Variants in DOK6 observed in about 807,000 individuals in gnomAD.
DOK6 encodes downstream of tyrosine kinase 6.
A neutral mutation model predicts 44.0 loss-of-function variants in DOK6; 22 were observed. The observed-to-expected ratio is 0.50, with a 90% CI of 0.36 to 0.71. DOK6 has a LOEUF of 0.71. DOK6 is among the 30% of genes least tolerant of loss of function. The probability of loss-of-function intolerance (pLI) is 0.00; values close to 1 mark genes in which losing one functional copy is unlikely to be tolerated. For synonymous variants in DOK6, 166 were observed against 145.5 expected (o/e 1.14, Z -1.01); for missense variants, 340 against 416.4 (o/e 0.82, Z 1.60).
At chr18:69,456,514 T>C (rs1334298538) in intron 1 of DOK6, among the ~76,000 whole-genome samples, 4 of 152,184 alleles carry the variant, frequency 2.6e-5, no homozygotes, top group African/African-American at 9.7e-5. Context: ...TATTCCATGG[T>C]GTATATGTAT....
chr18:69,816,122 G>A (rs1265200721), intron 7 of DOK6, among the ~76,000 whole-genome samples: 1 of 152,110 alleles, frequency 6.6e-6, no homozygotes, highest in Non-Finnish European at 1.5e-5. Flanking sequence ...TCTATGTAGT[G>A]ATATTTTCAA....
At chr18:69,675,553 A>G (rs1985901726) in intron 3 of DOK6, among the ~76,000 whole-genome samples, 2 of 152,232 alleles carry the variant, frequency 1.3e-5, no homozygotes, top group African/African-American at 2.4e-5. Context: ...AAAGAAAAAC[A>G]TACCTAATGT....
intron 3 of DOK6, among the ~76,000 whole-genome samples, chr18:69,604,464 A>G (rs1983948828): frequency 6.6e-6 from 1 of 152,218 alleles, no homozygotes; most frequent in African/African-American, 2.4e-5. Flanking sequence ...TACAAATGTT[A>G]ATATAGAAGA....
At chr18:69,634,628 T>C (rs990728843) in intron 3 of DOK6, among the ~76,000 whole-genome samples, 1 of 152,190 alleles carries the variant, frequency 6.6e-6, no homozygotes, top group Admixed American at 6.5e-5. Context: ...TATTTATTTA[T>C]TCAATAACTA....
Position 69,840,342 on chromosome 18 carries a change from C to T in DOK6, c.857-902C>T, listed in dbSNP as rs571120214. Reference sequence around the variant, plus strand: ...ATTTTTCTTCTCCCTCTAAGCTCATCCATTAGATACAAGTCATTCTCAAGT... The same window carrying T: ...ATTTTTCTTCTCCCTCTAAGCTCATTCATTAGATACAAGTCATTCTCAAGT... On this transcript the variant is annotated intron_variant, in intron 7 of 7. Coordinates refer to ENST00000382713, the MANE Select transcript of DOK6 (RefSeq NM_152721.6). Among the ~76,000 whole-genome samples, 6 of 152,264 alleles carry T rather than the reference C, an allele frequency of 3.9e-5. No individual in the cohort carries two copies. In the East Asian group the frequency reaches 1.2e-3, roughly 29 times the overall value.
chr18:69,677,370 G>GTATATA (rs10659444), intron 3 of DOK6, among the ~76,000 whole-genome samples: 1 of 149,186 alleles, frequency 6.7e-6, no homozygotes, highest in Non-Finnish European at 1.5e-5. Flanking sequence ...ATATGTGTGT[G>GTATATA]TATATATATA....
intron 1 of DOK6, among the ~76,000 whole-genome samples, chr18:69,440,323 C>G (rs1979100345): frequency 6.6e-6 from 1 of 151,980 alleles, no homozygotes; most frequent in South Asian, 2.1e-4. Context: ...CTGAGAATTA[C>G]CAAAATGTGA....
At chr18:69,532,557 A>G (rs1344145317) in intron 1 of DOK6, among the ~76,000 whole-genome samples, 3 of 152,174 alleles carry the variant, frequency 2.0e-5, no homozygotes, top group Admixed American at 6.5e-5. Context: ...TTCACTGCCA[A>G]TAGCATTAAG....
chr18:69,691,184 A>AAAATAAATAAAT (rs149335802), intron 4 of DOK6, among the ~76,000 whole-genome samples: 390 of 140,444 alleles, frequency 2.8e-3, no homozygotes, highest in African/African-American at 6.7e-3. Flanking sequence ...ACTCTGTCTC[A>AAAATAAATAAAT]AAATAAATAA....
intron 3 of DOK6, among the ~76,000 whole-genome samples, chr18:69,627,326 G>A (rs78749815): frequency 0.013 from 1,993 of 152,328 alleles, 18 homozygotes; most frequent in South Asian, 0.038. Flanking sequence ...TTTGCAGATG[G>A]ATTTAACCCA....
intron 3 of DOK6, among the ~76,000 whole-genome samples, chr18:69,655,357 A>T (rs1985333085): frequency 6.6e-6 from 1 of 152,236 alleles, no homozygotes. Context: ...TAGAACTTTA[A>T]GATATTTTAA....
rs745636267 is a variant in DOK6, at chr18:69,698,405, G to C, written c.411G>C (p.Glu137Asp). 3.1e-6 allele frequency: 5 copies of C among 1,609,450 alleles called. No homozygotes were observed. The highest frequency in any genetic ancestry group is 4.2e-6 in the Non-Finnish European group (5 of 1,177,614). ...LAAGVQREQN[E>D]RFNVYLMPTP... ...TCTCCATTCTTCGTCTCTTCACAGA[G>C]AGATTCAACGTGTATCTTATGCCTA... Residue 137 changes from glutamate to aspartate, a missense_variant and splice_region_variant, in exon 5 of 8, where the codon GAG becomes GAC. Physicochemically the swap from Glu to Asp is conservative, Grantham distance 45. Around this residue, in one of 3 missense-constraint regions of DOK6, gnomAD observed 206 missense variants for 258.6 expected, o/e 0.80. Transcript: ENST00000382713.
intron 5 of DOK6, among the ~76,000 whole-genome samples, chr18:69,699,967 C>T (rs939230895): frequency 2.0e-5 from 3 of 152,136 alleles, no homozygotes; most frequent in Admixed American, 6.5e-5. Context: ...GAGAAAGACA[C>T]ATCTCACATG....
At position 69,817,384 on chromosome 18, in the gene DOK6, G is replaced by A. The variant is rs569014398; in HGVS notation, c.857-23860G>A. Among the ~76,000 whole-genome samples, 164 of 152,254 alleles carry A rather than the reference G, an allele frequency of 1.1e-3. 1 individual carries two copies. Among genetic ancestry groups the A allele is most frequent in the African/African-American group, 3.7e-3 (155 of 41,562 alleles). On this transcript the variant is annotated intron_variant, in intron 7 of 7. Transcript: ENST00000382713. ...GTATCTCCAACATTTACCAAAGTCA[G>A]TCTTTGTCTTGCTCTACTCAGATTG...
intron 3 of DOK6, among the ~76,000 whole-genome samples, chr18:69,672,518 C>T (rs1985823751): frequency 6.6e-6 from 1 of 152,142 alleles, no homozygotes; most frequent in African/African-American, 2.4e-5. Context: ...AGCACCGCGC[C>T]CGGCTAATTT....
At chr18:69,477,046 T>G (rs1034518594) in intron 1 of DOK6, among the ~76,000 whole-genome samples, 2 of 152,218 alleles carry the variant, frequency 1.3e-5, no homozygotes, top group South Asian at 2.1e-4. Context: ...CTGAATTTAT[T>G]TATAAAATAT....
intron 7 of DOK6, among the ~76,000 whole-genome samples, chr18:69,838,623 T>C (rs1316442398): frequency 1.3e-5 from 2 of 152,030 alleles, no homozygotes; most frequent in East Asian, 3.9e-4. Flanking sequence ...AATTTTTAGA[T>C]AGGGAAACAA....
intron 5 of DOK6, among the ~76,000 whole-genome samples, chr18:69,707,186 G>A (rs911504522): frequency 6.6e-6 from 1 of 152,062 alleles, no homozygotes; most frequent in African/African-American, 2.4e-5. Flanking sequence ...AAATAAAAGA[G>A]GATACAAAGA....
intron 3 of DOK6, among the ~76,000 whole-genome samples, chr18:69,611,071 T>TGG (rs1156849293): frequency 2.8e-5 from 4 of 141,228 alleles, no homozygotes; most frequent in South Asian, 4.9e-4. Flanking sequence ...TTAATTTTTA[T>TGG]GTACCCATAA....
Sources: gnomAD v4.1 joint callset for allele counts (sites outside exome capture counted in the v4.1 genomes callset) on GRCh38, gnomAD v4.1.1 for gene constraint, gnomAD v4.1.1 regional missense constraint, MANE v1.5 for transcripts, NCBI Gene and HGNC (gene_info 2026-07-23, HGNC 2026-07-21) for gene names.